FRMD4B: variants seen among roughly 807,000 people sequenced by gnomAD.
FRMD4B encodes FERM domain-containing protein 4B.
Under a neutral mutation model 141.5 loss-of-function variants are expected in FRMD4B, and 74 were observed. The observed-to-expected ratio is 0.52, with a 90% CI of 0.43 to 0.63. FRMD4B has a LOEUF of 0.63. FRMD4B is among the 30% of genes least tolerant of loss of function. The pLI is 0.00. For missense variants in FRMD4B, 1,366 were observed against 1,253.4 expected, an observed-to-expected ratio of 1.09 and a Z score of -1.36; for synonymous variants, 506 against 467.9, an observed-to-expected ratio of 1.08 and a Z score of -1.05.
At chr3:69,387,107 C>T (rs1431505872), upstream of FRMD4B, among the ~76,000 whole-genome samples, 3 of 152,102 alleles carry the variant, frequency 2.0e-5, no homozygotes, top group Non-Finnish European at 4.4e-5. Flanking sequence ...AAAGGGAGCT[C>T]AAGGAGTCTC....
intron 5 of FRMD4B, among the ~76,000 whole-genome samples, chr3:69,265,588 T>C (rs572705653): frequency 8.0e-5 from 12 of 150,772 alleles, no homozygotes; most frequent in African/African-American, 1.7e-4. Context: ...GCTGGGACTA[T>C]AGGCGCCCAC....
At chr3:69,403,622 G>C (rs925316097) in intron 2 of FRMD4B, among the ~76,000 whole-genome samples, 1 of 152,116 alleles carries the variant, frequency 6.6e-6, no homozygotes, top group African/African-American at 2.4e-5. Context: ...TCACAGAGAG[G>C]AGAAACAGGC....
At chr3:69,498,307 T>C (rs576636763) in intron 1 of FRMD4B, among the ~76,000 whole-genome samples, 5 of 152,286 alleles carry the variant, frequency 3.3e-5, no homozygotes, top group Admixed American at 6.5e-5. Context: ...GAACTTATCA[T>C]TTAATATTTT....
At chr3:69,375,548 G>A (rs943344799) in intron 1 of FRMD4B, among the ~76,000 whole-genome samples, 1 of 152,082 alleles carries the variant, frequency 6.6e-6, no homozygotes, top group East Asian at 1.9e-4. Context: ...TTGAATTCAG[G>A]CGGTTTGAGT....
intron 5 of FRMD4B, among the ~76,000 whole-genome samples, chr3:69,261,849 T>G (rs2093529503): frequency 6.6e-6 from 1 of 152,046 alleles, no homozygotes; most frequent in Non-Finnish European, 1.5e-5. Flanking sequence ...ATTTTTGTAT[T>G]TTTAGTAGAG....
intron 1 of FRMD4B, among the ~76,000 whole-genome samples, chr3:69,326,636 A>C (rs1193856601): frequency 6.6e-6 from 1 of 152,248 alleles, no homozygotes; most frequent in African/African-American, 2.4e-5. Flanking sequence ...CACGAAGTTG[A>C]GAATGACTTG....
intron 1 of FRMD4B, among the ~76,000 whole-genome samples, chr3:69,319,457 A>C (rs1701924185): frequency 6.6e-6 from 1 of 152,242 alleles, no homozygotes; most frequent in South Asian, 2.1e-4. Flanking sequence ...ACCCATTTTA[A>C]AGAAGATAAA....
chr3:69,198,777 A>G lies in FRMD4B; in HGVS notation c.877-3T>C. 3 of 1,464,570 alleles carry G rather than the reference A, an allele frequency of 2.0e-6. No homozygotes were observed. Among genetic ancestry groups the G allele is most frequent in the Non-Finnish European group, 2.8e-6 (3 of 1,061,408 alleles). 90.7% of individuals were successfully genotyped at this position (1,464,570 alleles called of 1,614,324 possible). A position where few individuals can be genotyped will look rare whatever the true frequency, so the allele number is the denominator to read the frequency against. On this transcript the variant is annotated splice_region_variant and splice_polypyrimidine_tract_variant and intron_variant, in intron 11 of 22. Transcript: ENST00000398540. The stretch of plus-strand genomic sequence containing the variant: ...TCCAGCTGTTTCCATTGGAATAACT[A>G]AAGAAAACAGAAAAGCCAGGAAGTA...
upstream of FRMD4B, among the ~76,000 whole-genome samples, chr3:69,386,908 T>G (rs1258838073): frequency 4.6e-5 from 7 of 152,230 alleles, no homozygotes; most frequent in East Asian, 1.3e-3. Flanking sequence ...GGTTTAGTTC[T>G]GGAAAATTCA....
At chr3:69,177,111 G>A (rs1381154454) in intron 21 of FRMD4B, among the ~76,000 whole-genome samples, 2 of 152,176 alleles carry the variant, frequency 1.3e-5, no homozygotes, top group Non-Finnish European at 2.9e-5. Context: ...GCCGAGGCGG[G>A]AGGACCACTT....
At chr3:69,534,473 T>C (rs1029717361) in intron 1 of FRMD4B, among the ~76,000 whole-genome samples, 3 of 152,214 alleles carry the variant, frequency 2.0e-5, no homozygotes, top group African/African-American at 7.2e-5. Flanking sequence ...TCTAGACTTT[T>C]TGTAGCTGGA....
chr3:69,236,891 T>C (rs975330457), intron 7 of FRMD4B, among the ~76,000 whole-genome samples: 2 of 152,222 alleles, frequency 1.3e-5, no homozygotes, highest in African/African-American at 4.8e-5. Flanking sequence ...CTCCTGATTA[T>C]TGCAAGTTAG....
intron 1 of FRMD4B, among the ~76,000 whole-genome samples, chr3:69,482,680 G>A (rs1706147347): frequency 6.6e-6 from 1 of 152,200 alleles, no homozygotes; most frequent in African/African-American, 2.4e-5. Context: ...TTCACCAACT[G>A]TTCCTAAAAT....
intron 17 of FRMD4B, among the ~76,000 whole-genome samples, chr3:69,191,423 G>GA (rs139554201): frequency 0.028 from 4,220 of 150,812 alleles, 212 homozygotes; most frequent in African/African-American, 0.095. Flanking sequence ...TGTCTCAAAA[G>GA]AAAAAAAACA....
chr3:69,344,799 G>A (rs576427348), intron 1 of FRMD4B, among the ~76,000 whole-genome samples: 42 of 152,198 alleles, frequency 2.8e-4, no homozygotes, highest in African/African-American at 8.4e-4. Flanking sequence ...TAAGTACAAC[G>A]TCTGCAGAAT....
intron 1 of FRMD4B, among the ~76,000 whole-genome samples, chr3:69,524,890 T>C (rs1350565977): frequency 6.6e-6 from 1 of 151,942 alleles, no homozygotes; most frequent in African/African-American, 2.4e-5. Flanking sequence ...TTCCTAAAAG[T>C]GGGAGAGGAA....
chr3:69,453,750 C>G (rs562492147), intron 1 of FRMD4B, among the ~76,000 whole-genome samples: 2 of 152,322 alleles, frequency 1.3e-5, no homozygotes, highest in Admixed American at 6.5e-5. Context: ...GCTTTGAGAG[C>G]AGGTCCTGGC....
chr3:69,428,390 T>C (rs1180748874), intron 2 of FRMD4B, among the ~76,000 whole-genome samples: 1 of 149,104 alleles, frequency 6.7e-6, no homozygotes, highest in Non-Finnish European at 1.5e-5. Flanking sequence ...CAACAAGTGT[T>C]AACTCTTTTA....
intron 1 of FRMD4B, among the ~76,000 whole-genome samples, chr3:69,488,983 A>G (rs145373974): frequency 1.1e-3 from 167 of 152,026 alleles, no homozygotes; most frequent in Non-Finnish European, 1.9e-3. Context: ...GTTAGGCAAC[A>G]ATTCCTTAGA....
Sources: gnomAD v4.1 joint callset for allele counts (sites outside exome capture counted in the v4.1 genomes callset) on GRCh38, gnomAD v4.1.1 for gene constraint, MANE v1.5 for transcripts, NCBI Gene and HGNC (gene_info 2026-07-23, HGNC 2026-07-21) for gene names.